Variants in TNFAIP8 observed in about 807,000 individuals in gnomAD.
TNFAIP8 encodes tumor necrosis factor alpha-induced protein 8.
In TNFAIP8, 7 loss-of-function variants were observed where a neutral mutation model predicts 13.3. The observed-to-expected ratio is 0.52, with a 90% confidence interval of 0.30 to 0.99. TNFAIP8 has a LOEUF of 0.99. TNFAIP8 is among the 50% of genes least tolerant of loss of function. TNFAIP8 has a pLI of 0.07. For missense variants in TNFAIP8, 258 were observed against 236.9 expected (o/e 1.09, Z -0.58); for synonymous variants, 94 against 87.6 (o/e 1.07, Z -0.41).
At chr5:119,285,210 C>A (rs1342350017) in intron 1 of TNFAIP8, among the ~76,000 whole-genome samples, 1 of 152,204 alleles carries the variant, frequency 6.6e-6, no homozygotes, top group Non-Finnish European at 1.5e-5. Flanking sequence ...CTGAGATGCT[C>A]AACCCCTCTG....
intron 1 of TNFAIP8, among the ~76,000 whole-genome samples, chr5:119,325,138 A>T (rs1362876157): frequency 1.3e-5 from 2 of 152,204 alleles, no homozygotes; most frequent in African/African-American, 4.8e-5. Context: ...AATTTACTTA[A>T]TCAGTCCCCA....
At chr5:119,342,560 C>T (rs998093833) in intron 1 of TNFAIP8, among the ~76,000 whole-genome samples, 2 of 152,178 alleles carry the variant, frequency 1.3e-5, no homozygotes, top group East Asian at 3.9e-4. Context: ...TCTCAACTTA[C>T]TCCCTTCAGG....
chr5:119,376,571 G>T (rs1202378361), intron 1 of TNFAIP8, among the ~76,000 whole-genome samples: 2 of 80,404 alleles, frequency 2.5e-5, no homozygotes, highest in Admixed American at 1.5e-4. Flanking sequence ...CACCCCCCCC[G>T]TCTTTCTGCT....
chr5:119,346,232 G>A (rs1047323431), intron 1 of TNFAIP8, among the ~76,000 whole-genome samples: 6 of 152,186 alleles, frequency 3.9e-5, no homozygotes, highest in East Asian at 1.9e-4. Context: ...AAAATCAACC[G>A]AGAGGGATGC....
At chr5:119,335,743 C>G (rs910283173) in intron 1 of TNFAIP8, among the ~76,000 whole-genome samples, 1 of 152,044 alleles carries the variant, frequency 6.6e-6, no homozygotes, top group African/African-American at 2.4e-5. Flanking sequence ...AATCCCTGCT[C>G]TTGGAGAGCT....
intron 1 of TNFAIP8, among the ~76,000 whole-genome samples, chr5:119,278,480 A>T (rs894267186): frequency 6.6e-6 from 1 of 151,056 alleles, no homozygotes; most frequent in Non-Finnish European, 1.5e-5. Flanking sequence ...ATCCCTTTTC[A>T]TCCGGGAGTA....
chr5:119,355,522 C>T (rs3813310), upstream of TNFAIP8: 137 of 584,854 alleles, frequency 2.3e-4, no homozygotes, highest in East Asian at 3.9e-3. Context: ...AAATAACATA[C>T]CAAAGCCGCT....
chr5:119,307,157 T>C (rs76465648), intron 1 of TNFAIP8, among the ~76,000 whole-genome samples: 287 of 152,340 alleles, frequency 1.9e-3, no homozygotes, highest in African/African-American at 6.6e-3. Context: ...GAGAGAAATC[T>C]ACTTCATTCT....
Position 119,397,492 on chromosome 5 carries a change from T to G in TNFAIP8, c.*4111T>G, listed in dbSNP as rs927768804. ...TATCTAAACTAGTTGAACTTTTCAG[T>G]GTTTTACTTGATATATTGCATTCTT... On this transcript the variant is annotated 3_prime_UTR_variant, in exon 2 of 2. Transcript: ENST00000504771. 2 of 152,246 alleles carry G rather than the reference T, an allele frequency of 1.3e-5. No homozygotes were observed. Among genetic ancestry groups the G allele is most frequent in the African/African-American group, 2.4e-5 (1 of 41,460 alleles). The allele number at this position is 152,246 out of a possible 1,614,324, so 9.4% of individuals were successfully genotyped here.
Position 119,278,374 on chromosome 5 carries a change from AGAGTGTGTGTGTGT to A in TNFAIP8, c.1+9469_1+9482del, listed in dbSNP as rs1162665986. Among the ~76,000 whole-genome samples, 559 of 123,192 alleles carry A rather than the reference AGAGTGTGTGTGTGT, an allele frequency of 4.5e-3. 5 individuals are homozygous for A. The highest frequency in any genetic ancestry group is 0.018 in the African/African-American group (487 of 26,738). The allele number at this position is 123,192 out of a possible 152,430, so 80.8% of individuals were successfully genotyped here. On this transcript the variant is annotated intron_variant, in intron 1 of 1. Coordinates refer to the TNFAIP8 transcript ENST00000274456. ...GGGGGAGAGAGAGAGAGAGAGAGAG[AGAGTGTGTGTGTGT>A]GTGTGTGTGTGTGTGTGTGTGTGTG...
At chr5:119,356,154 A>G in intron 1 of TNFAIP8, 33 bp downstream of exon 1, 3 of 1,543,486 alleles carry the variant, frequency 1.9e-6, no homozygotes, top group Non-Finnish European at 2.6e-6. Context: ...GGGCCGGCCA[A>G]GTTCTGCGGA....
At chr5:119,361,124 G>A (rs560152321) in intron 1 of TNFAIP8, among the ~76,000 whole-genome samples, 7 of 152,346 alleles carry the variant, frequency 4.6e-5, no homozygotes, top group Non-Finnish European at 1.0e-4. Flanking sequence ...TATTGCAAAA[G>A]CAGACATCCC....
At chr5:119,382,403 C>G (rs577196297) in intron 1 of TNFAIP8, among the ~76,000 whole-genome samples, 1 of 152,298 alleles carries the variant, frequency 6.6e-6, no homozygotes, top group South Asian at 2.1e-4. Flanking sequence ...ACCACAGTAT[C>G]TTATACATTA....
At chr5:119,294,745 A>C (rs1036011414) in intron 1 of TNFAIP8, among the ~76,000 whole-genome samples, 15 of 152,226 alleles carry the variant, frequency 9.9e-5, no homozygotes, top group African/African-American at 3.4e-4. Flanking sequence ...AACTGGTGTG[A>C]GATGGTATCT....
At chr5:119,385,230 T>A (rs1176614337) in intron 1 of TNFAIP8, among the ~76,000 whole-genome samples, 1 of 152,220 alleles carries the variant, frequency 6.6e-6, no homozygotes, top group Non-Finnish European at 1.5e-5. Context: ...CACCCAAGTT[T>A]ACAACCTGGG....
rs151045052 is a variant in TNFAIP8 at position 119,383,479 on chromosome 5, G to C, written c.32-9337G>C. Among the ~76,000 whole-genome samples, 23 of 152,326 alleles carry C rather than the reference G, an allele frequency of 1.5e-4. No individual in the cohort carries two copies. In the East Asian group the frequency reaches 4.1e-3, roughly 27 times the overall value. On this transcript the variant is annotated intron_variant, in intron 1 of 1. Coordinates refer to ENST00000504771, the MANE Select transcript of TNFAIP8 (RefSeq NM_014350.4). ...TGAAGGATCCTTACTGATAATGTGT[G>C]TGTGGGAACAAAGGTCATAGCCCGT...
intron 1 of TNFAIP8, among the ~76,000 whole-genome samples, chr5:119,323,145 G>A (rs557071384): frequency 2.0e-5 from 3 of 152,016 alleles, no homozygotes; most frequent in Non-Finnish European, 4.4e-5. Context: ...CTCTTTCCTA[G>A]GTTACTTAAA....
intron 1 of TNFAIP8, among the ~76,000 whole-genome samples, chr5:119,282,860 C>T (rs1748674991): frequency 6.6e-6 from 1 of 152,212 alleles, no homozygotes; most frequent in Non-Finnish European, 1.5e-5. Flanking sequence ...TTTTGCAGGG[C>T]ACTACAAAAT....
intron 1 of TNFAIP8, among the ~76,000 whole-genome samples, chr5:119,344,242 A>C (rs1216982089): frequency 2.6e-5 from 4 of 152,208 alleles, no homozygotes; most frequent in Non-Finnish European, 4.4e-5. Context: ...GGCAGAGGTG[A>C]AGAAGGAGCA....
Sources: gnomAD v4.1 joint callset for allele counts (sites outside exome capture counted in the v4.1 genomes callset) on GRCh38, gnomAD v4.1.1 for gene constraint, MANE v1.5 for transcripts, NCBI Gene and HGNC (gene_info 2026-07-23, HGNC 2026-07-21) for gene names.